ANKRD27: variants seen among roughly 807,000 people sequenced by gnomAD.
The protein encoded by ANKRD27 is ankyrin repeat domain 27.
Under a neutral mutation model 129.7 loss-of-function variants are expected in ANKRD27, and 112 were observed. That is an observed-to-expected ratio of 0.86 (90% CI 0.74 to 1.01). The LOEUF (loss-of-function observed/expected upper bound fraction) is 1.01. Ranked by LOEUF, ANKRD27 falls within the 50% of genes least tolerant of loss-of-function variation. ANKRD27 has a pLI of 0.00. For synonymous variants in ANKRD27, 516 were observed against 511.2 expected (o/e 1.01, Z -0.13); for missense variants, 1,258 against 1,300.5 (o/e 0.97, Z 0.50).
intron 24 of ANKRD27, 132 bp from the exon 25 acceptor site, chr19:32,604,556 G>A: frequency 4.1e-6 from 4 of 974,760 alleles, no homozygotes; most frequent in South Asian, 2.2e-5. Context: ...AAAATTTGGG[G>A]AGGAAAAGTA....
intron 16 of ANKRD27, 123 bp downstream of exon 16, chr19:32,626,589 A>C: frequency 1.7e-6 from 1 of 592,702 alleles, no homozygotes; most frequent in Non-Finnish European, 2.7e-6. Context: ...CTGGTGTGGA[A>C]CGAGGGGGGC....
intron 25 of ANKRD27, 31 bp from the exon 26 acceptor site, chr19:32,602,157 T>C (rs976452809): frequency 7.4e-7 from 1 of 1,343,368 alleles, no homozygotes; most frequent in African/African-American, 1.4e-5. Context: ...GGAACAGTAA[T>C]GTTTTTATTC....
At chr19:32,619,828 G>A (rs891980777) in intron 18 of ANKRD27, among the ~76,000 whole-genome samples, 5 of 152,110 alleles carry the variant, frequency 3.3e-5, no homozygotes, top group African/African-American at 4.8e-5. Flanking sequence ...ACGCATGGAC[G>A]CAAGGGATAA....
Position 32,631,496 on chromosome 19 carries a change from T to C in ANKRD27, c.1117-2A>G, listed in dbSNP as rs745640206. On this transcript the variant is annotated splice_acceptor_variant, in intron 12 of 28. Coordinates refer to ENST00000306065, the MANE Select transcript of ANKRD27 (RefSeq NM_032139.3). LOFTEE classifies it high-confidence loss of function. ...CCTGTCTCCAAATCCCTCAGACTCC[T>C]GCAGGGAAAAAACCAAACACACCAC... 2 of 1,613,274 alleles carry C rather than the reference T, an allele frequency of 1.2e-6. No homozygotes were observed. The highest frequency in any genetic ancestry group is 1.7e-5 in the Admixed American group (1 of 59,998).
intron 17 of ANKRD27, among the ~76,000 whole-genome samples, chr19:32,625,566 G>A (rs1475570121): frequency 6.6e-6 from 1 of 151,730 alleles, no homozygotes; most frequent in Admixed American, 6.6e-5. Context: ...GAGTCGCTGG[G>A]ATTACAGGTG....
intron 18 of ANKRD27, 125 bp downstream of exon 18, chr19:32,622,297 A>C (rs1972022250): frequency 1.0e-6 from 1 of 999,182 alleles, no homozygotes; most frequent in African/African-American, 1.6e-5. Context: ...ATGCGGCAGA[A>C]AGGGTGCAAG....
At chr19:32,644,144 G>T (rs1217145593) in intron 5 of ANKRD27, among the ~76,000 whole-genome samples, 181 bp downstream of exon 5, 1 of 152,046 alleles carries the variant, frequency 6.6e-6, no homozygotes, top group Admixed American at 6.6e-5. Context: ...CAAAGTGCTG[G>T]GAAGACAGGC....
intron 23 of ANKRD27, among the ~76,000 whole-genome samples, chr19:32,606,571 G>A (rs1007988721): frequency 6.6e-6 from 1 of 152,230 alleles, no homozygotes; most frequent in Non-Finnish European, 1.5e-5. Flanking sequence ...GGGTGACAGT[G>A]ATCTCACTTC....
At chr19:32,673,500 G>C in intron 1 of ANKRD27, 1 of 967,372 alleles carries the variant, frequency 1.0e-6, no homozygotes, top group Non-Finnish European at 1.2e-6. Context: ...TCTGCTAGGT[G>C]CTCAGGACCT....
chr19:32,663,573 A>C (rs961862814), intron 1 of ANKRD27, among the ~76,000 whole-genome samples: 3 of 152,060 alleles, frequency 2.0e-5, no homozygotes, highest in Admixed American at 1.3e-4. Flanking sequence ...TCATTTTTTG[A>C]ATATTCTATC....
At chr19:32,648,954 T>C (rs1021111578) in intron 3 of ANKRD27, among the ~76,000 whole-genome samples, 20 of 143,066 alleles carry the variant, frequency 1.4e-4, no homozygotes, top group Admixed American at 6.6e-4. Context: ...ACAAAAAGAT[T>C]GTTTTTTGGG....
In ANKRD27 at chr19:32,600,012, TA is replaced by T; in HGVS notation, c.2805del (p.Phe935LeufsTer32). On this transcript the variant is annotated frameshift_variant, in exon 27 of 29. Coordinates refer to ENST00000306065, the MANE Select transcript of ANKRD27 (RefSeq NM_032139.3). LOFTEE classifies it high-confidence loss of function. ...GAGTGGACAAAGTAAAACTGTCTTG[TA>T]AAAGGCTCATCTGGTAGATCATACA... Reference protein sequence around the residue: ...SKLYDLPDEPFTRQFYFVHSA... With the variant: ...SKLYDLPDEPXTRQFYFVHSA... 1.9e-6 allele frequency: 3 copies of T among 1,613,206 alleles called. No homozygotes were observed. The highest frequency in any genetic ancestry group is 2.5e-6 in the Non-Finnish European group (3 of 1,179,322).
At chr19:32,627,400 TTATTTATTTA>T (rs56401367) in intron 15 of ANKRD27, among the ~76,000 whole-genome samples, 26 of 45,122 alleles carry the variant, frequency 5.8e-4, no homozygotes, top group African/African-American at 1.3e-3. Flanking sequence ...ATTTATTTAT[TTATTTATTTA>T]TTTTTTGAGA....
intron 13 of ANKRD27, among the ~76,000 whole-genome samples, chr19:32,629,576 T>A (rs1487651079): frequency 6.6e-6 from 1 of 152,136 alleles, no homozygotes; most frequent in Non-Finnish European, 1.5e-5. Context: ...GGCAGACGCC[T>A]GTAATCCCAG....
chr19:32,641,628 T>C (rs1967201819), intron 10 of ANKRD27, among the ~76,000 whole-genome samples: 1 of 152,192 alleles, frequency 6.6e-6, no homozygotes, highest in Non-Finnish European at 1.5e-5. Flanking sequence ...TCCCCCATTC[T>C]TTGATGCTGT....
intron 20 of ANKRD27, among the ~76,000 whole-genome samples, chr19:32,618,411 A>G (rs1971955315): frequency 7.0e-6 from 1 of 141,944 alleles, no homozygotes; most frequent in African/African-American, 2.7e-5. Context: ...GTACCACTGC[A>G]CTCCAGCCTG....
intron 1 of ANKRD27, among the ~76,000 whole-genome samples, chr19:32,665,252 T>C (rs1355189110): frequency 6.6e-6 from 1 of 151,610 alleles, no homozygotes; most frequent in Non-Finnish European, 1.5e-5. Flanking sequence ...TGAAAAATCC[T>C]ATTAGGATTT....
At chr19:32,653,252 G>A (rs917382936) in intron 2 of ANKRD27, among the ~76,000 whole-genome samples, 1 of 152,134 alleles carries the variant, frequency 6.6e-6, no homozygotes, top group Non-Finnish European at 1.5e-5. Flanking sequence ...CCCTTAGCTC[G>A]GATGAAAGTT....
chr19:32,612,188 G>GA (rs1008284236), intron 22 of ANKRD27, among the ~76,000 whole-genome samples: 96 of 151,830 alleles, frequency 6.3e-4, no homozygotes, highest in Admixed American at 2.6e-3. Context: ...TCTGTATGCT[G>GA]AAAAAAAATC....
Sources: gnomAD v4.1 joint callset for allele counts (sites outside exome capture counted in the v4.1 genomes callset) on GRCh38, gnomAD v4.1.1 for gene constraint, MANE v1.5 for transcripts, NCBI Gene and HGNC (gene_info 2026-07-23, HGNC 2026-07-21) for gene names.